Variants in PRIM2 observed in about 807,000 individuals in gnomAD.
The protein encoded by PRIM2 is DNA primase subunit 2.
PRIM2 carries 39 observed loss-of-function variants against 67.3 expected under a neutral mutation model. The ratio of observed to expected loss-of-function variants is 0.58; its 90% CI spans 0.45 to 0.76. The LOEUF is 0.76. Among genes scored for constraint, PRIM2 ranks in the 30% least tolerant of loss-of-function variants. The pLI is 0.00. For missense variants in PRIM2, 398 were observed against 598.7 expected, an observed-to-expected ratio of 0.66 and a Z score of 3.50; for synonymous variants, 143 against 198.7, an observed-to-expected ratio of 0.72 and a Z score of 2.36.
At chr6:57,370,586 AG>A (rs1249375403) in intron 5 of PRIM2, among the ~76,000 whole-genome samples, 1 of 152,088 alleles carries the variant, frequency 6.6e-6, no homozygotes. Context: ...GCCATGAAAC[AG>A]GAAGTGACAT....
intron 7 of PRIM2, among the ~76,000 whole-genome samples, chr6:57,401,163 A>G (rs1343337848): frequency 2.0e-5 from 3 of 152,154 alleles, no homozygotes; most frequent in Non-Finnish European, 4.4e-5. Context: ...TTTGGAGAAC[A>G]TGCGTCACTC....
intron 10 of PRIM2, among the ~76,000 whole-genome samples, chr6:57,574,023 A>T (rs1217721259): frequency 4.0e-5 from 6 of 151,834 alleles, no homozygotes; most frequent in African/African-American, 1.5e-4. Context: ...ACCTAAGGCC[A>T]ATTCATGCAA....
chr6:57,256,959 G>A, the PRIM2 span, among the ~76,000 whole-genome samples: 1 of 152,094 alleles, frequency 6.6e-6, no homozygotes, highest in Non-Finnish European at 1.5e-5. Flanking sequence ...CAGTTGCCTT[G>A]ACATTGGGGA....
intron 10 of PRIM2, among the ~76,000 whole-genome samples, chr6:57,597,295 T>TA (rs1333814317): frequency 6.6e-6 from 1 of 151,682 alleles, no homozygotes; most frequent in Non-Finnish European, 1.5e-5. Context: ...TATGAATAGT[T>TA]AGAGTTGTGG....
chr6:57,281,031 A>C, the PRIM2 span, among the ~76,000 whole-genome samples: 1 of 152,194 alleles, frequency 6.6e-6, no homozygotes, highest in Non-Finnish European at 1.5e-5. Flanking sequence ...ATGAGTGAGA[A>C]CATGAAATAT....
intron 5 of PRIM2, among the ~76,000 whole-genome samples, chr6:57,336,710 T>C (rs934185404): frequency 1.6e-4 from 25 of 151,984 alleles, no homozygotes; most frequent in African/African-American, 5.8e-4. Context: ...CTGAAGGAAG[T>C]GCTAAACATG....
intron 7 of PRIM2, among the ~76,000 whole-genome samples, chr6:57,477,290 C>G (rs1407874894): frequency 6.6e-6 from 1 of 152,174 alleles, no homozygotes; most frequent in Non-Finnish European, 1.5e-5. Flanking sequence ...ACTACTGTGC[C>G]TGGCCTAGTT....
intron 7 of PRIM2, among the ~76,000 whole-genome samples, chr6:57,481,354 A>G (rs1479447481): frequency 2.6e-5 from 4 of 152,148 alleles, no homozygotes; most frequent in African/African-American, 9.7e-5. Context: ...CTCATACAGT[A>G]TGTACATTTT....
chr6:57,433,945 A>T (rs1344010489), intron 7 of PRIM2, among the ~76,000 whole-genome samples: 2 of 137,440 alleles, frequency 1.5e-5, no homozygotes, highest in Non-Finnish European at 1.5e-5. Context: ...TTTTTTTGAG[A>T]CAGAGTTTCG....
chr6:57,271,134 T>A, the PRIM2 span, among the ~76,000 whole-genome samples: 2 of 152,236 alleles, frequency 1.3e-5, no homozygotes, highest in African/African-American at 2.4e-5. Flanking sequence ...AGGATGATGC[T>A]GGCCTCATAA....
chr6:57,397,630 G>C (rs1489137209), intron 7 of PRIM2, among the ~76,000 whole-genome samples: 2 of 151,870 alleles, frequency 1.3e-5, no homozygotes, highest in Admixed American at 1.3e-4. Flanking sequence ...GCCCCTCCCT[G>C]ATTAGCTTAA....
intron 5 of PRIM2, among the ~76,000 whole-genome samples, chr6:57,374,299 ATTTAT>A (rs1275492098): frequency 4.8e-5 from 7 of 144,694 alleles, no homozygotes; most frequent in African/African-American, 1.9e-4. Context: ...TTATTTATTT[ATTTAT>A]TTTTTTTGAG....
chr6:57,350,417 A>G (rs1337265341), intron 5 of PRIM2, among the ~76,000 whole-genome samples: 2 of 152,224 alleles, frequency 1.3e-5, no homozygotes, highest in Admixed American at 6.5e-5. Flanking sequence ...AAAGAAAACC[A>G]TAGAGAAATC....
chr6:57,299,369 G>GA, the PRIM2 span, among the ~76,000 whole-genome samples: 1 of 152,098 alleles, frequency 6.6e-6, no homozygotes, highest in African/African-American at 2.4e-5. Flanking sequence ...CATATTCTCA[G>GA]AAAAAAGGTC....
At chr6:57,362,362 G>A (rs1238273005) in intron 5 of PRIM2, among the ~76,000 whole-genome samples, 2 of 152,004 alleles carry the variant, frequency 1.3e-5, no homozygotes, top group East Asian at 3.9e-4. Flanking sequence ...TTATTTTTTG[G>A]AATTTATTTT....
chr6:57,619,428 T>C (rs1466048742), intron 12 of PRIM2, among the ~76,000 whole-genome samples: 1 of 152,046 alleles, frequency 6.6e-6, no homozygotes, highest in Non-Finnish European at 1.5e-5. Context: ...ATCCCTGATA[T>C]AACTGAAAAG....
chr6:57,458,401 A>G (rs1772881160), intron 7 of PRIM2, among the ~76,000 whole-genome samples: 1 of 152,206 alleles, frequency 6.6e-6, no homozygotes, highest in African/African-American at 2.4e-5. Context: ...CTGTGATTAT[A>G]GAGTGGGTGT....
At chr6:57,492,314 G>A (rs1554346034) in intron 7 of PRIM2, among the ~76,000 whole-genome samples, 3 of 151,988 alleles carry the variant, frequency 2.0e-5, no homozygotes, top group Non-Finnish European at 2.9e-5. Context: ...AGGCCGAGGC[G>A]GGCAGATCAC....
intron 7 of PRIM2, among the ~76,000 whole-genome samples, chr6:57,478,807 T>G: frequency 6.6e-6 from 1 of 152,184 alleles, no homozygotes; most frequent in Non-Finnish European, 1.5e-5. Flanking sequence ...TCTGTTCTTG[T>G]CTTAAAGATG....
Sources: gnomAD v4.1 joint callset for allele counts (sites outside exome capture counted in the v4.1 genomes callset) on GRCh38, gnomAD v4.1.1 for gene constraint, MANE v1.5 for transcripts, NCBI Gene and HGNC (gene_info 2026-07-23, HGNC 2026-07-21) for gene names.